The following CKAP5 variants were observed in gnomAD, a reference collection of about 807,000 sequenced individuals.
The protein encoded by CKAP5 is cytoskeleton associated protein 5.
A neutral mutation model predicts 232.8 loss-of-function variants in CKAP5; 27 were observed. That is an observed-to-expected ratio of 0.12 (90% CI 0.09 to 0.16). CKAP5 has a LOEUF of 0.16. Among genes scored for constraint, CKAP5 ranks in the 10% least tolerant of loss-of-function variants. The pLI is 1.00. For synonymous variants in CKAP5, 785 were observed against 841.1 expected (o/e 0.93, Z 1.16); for missense variants, 1,838 against 2,424.7 (o/e 0.76, Z 5.08).
intron 1 of CKAP5, among the ~76,000 whole-genome samples, chr11:46,842,446 G>A (rs915336045): frequency 2.8e-4 from 42 of 152,134 alleles, no homozygotes; most frequent in African/African-American, 9.7e-4. Context: ...CTCTGAATAT[G>A]CCCACTACCC....
At chr11:46,752,189 T>C (rs71452738) in intron 38 of CKAP5, among the ~76,000 whole-genome samples, 7,675 of 63,048 alleles carry the variant, frequency 0.12, 385 homozygotes, top group East Asian at 0.43. Context: ...TATATATATA[T>C]ATATACACAC....
rs149061299 is a variant in CKAP5, at chr11:46,821,141, C to T, written c.57+34G>A. The T allele has an allele frequency of 2.7e-3, 4,220 of 1,544,114 alleles. 10 individuals are homozygous for T. The highest frequency in any genetic ancestry group is 3.2e-3 in the Non-Finnish European group (3,582 of 1,117,212). ...TATAACTGCTCACAAAACAAGCCAA[C>T]GACACTGAAAATCGAATTCCAGAAG... On this transcript the variant is annotated intron_variant, in intron 2 of 43. Transcript: ENST00000529230.
At chr11:46,797,390 CAAA>C (rs112909367) in intron 11 of CKAP5, among the ~76,000 whole-genome samples, 4 of 137,724 alleles carry the variant, frequency 2.9e-5, no homozygotes, top group Non-Finnish European at 6.3e-5. Context: ...ACAACAACAA[CAAA>C]AAAAAAAAAA....
chr11:46,755,784 C>T (rs182935255), intron 35 of CKAP5, among the ~76,000 whole-genome samples: 1 of 151,852 alleles, frequency 6.6e-6, no homozygotes, highest in African/African-American at 2.4e-5. Flanking sequence ...GAAAAATTAG[C>T]CTGGCATGGT....
intron 5 of CKAP5, among the ~76,000 whole-genome samples, chr11:46,810,315 G>GATTC (rs144046273): frequency 0.018 from 2,777 of 151,946 alleles, 31 homozygotes; most frequent in Non-Finnish European, 0.028. Context: ...AAACAAGAAA[G>GATTC]ATTCATTCAT....
At chr11:46,837,005 A>AG (rs1292497914) in intron 1 of CKAP5, among the ~76,000 whole-genome samples, 3 of 152,182 alleles carry the variant, frequency 2.0e-5, no homozygotes, top group Non-Finnish European at 2.9e-5. Context: ...ACTTCACCAA[A>AG]GGGGGTGGGA....
chr11:46,780,101 G>T, intron 20 of CKAP5, 93 bp downstream of exon 20: 1 of 1,360,300 alleles, frequency 7.4e-7, no homozygotes, highest in Non-Finnish European at 1.0e-6. Context: ...CTGAGTAGCT[G>T]GGACTACAGG....
In CKAP5 at chr11:46,758,071, A is replaced by C. The variant is rs189067485; in HGVS notation, c.4689+852T>G. ...CCCACCCATGACTTCTCTTTTAAAA[A>C]ATTTCTAATGGTTTCCTATCATAAT... On this transcript the variant is annotated intron_variant, in intron 35 of 43. Coordinates refer to ENST00000529230, the MANE Select transcript of CKAP5 (RefSeq NM_001008938.4). 9.8e-4 allele frequency among the ~76,000 whole-genome samples: 149 copies of C among 152,144 alleles called. 1 individual carries two copies. The highest frequency in any genetic ancestry group is 2.2e-3 in the Admixed American group (33 of 15,282).
chr11:46,780,084 C>T, intron 20 of CKAP5, 110 bp downstream of exon 20: 2 of 1,200,502 alleles, frequency 1.7e-6, no homozygotes, highest in South Asian at 1.3e-5. Flanking sequence ...CCTCCTTCCT[C>T]AGGCTCCTGA....
intron 9 of CKAP5, among the ~76,000 whole-genome samples, chr11:46,798,431 T>C (rs578122264): frequency 1.3e-5 from 2 of 151,486 alleles, no homozygotes; most frequent in East Asian, 3.9e-4. Context: ...CAAAAAAAAA[T>C]TAGCCAGGTG....
At chr11:46,746,638 C>A (rs1362942595) in intron 42 of CKAP5, among the ~76,000 whole-genome samples, 1 of 152,164 alleles carries the variant, frequency 6.6e-6, no homozygotes. Context: ...ATAAATGGTA[C>A]ACCTGTATAG....
At chr11:46,762,580 G>T in intron 31 of CKAP5, 47 bp downstream of exon 31, 1 of 1,605,218 alleles carries the variant, frequency 6.2e-7, no homozygotes, top group Non-Finnish European at 8.5e-7. Context: ...TCTTCTATAG[G>T]CTACTGCTGC....
chr11:46,810,975 T>C (rs201103331), intron 5 of CKAP5, 32 bp downstream of exon 5: 12 of 1,548,008 alleles, frequency 7.8e-6, no homozygotes, highest in Non-Finnish European at 1.0e-5. Context: ...ATTAACCTTG[T>C]GCGAAAGCAA....
intron 26 of CKAP5, 117 bp from the exon 27 acceptor site, chr11:46,767,780 A>G: frequency 1.6e-6 from 1 of 615,374 alleles, no homozygotes; most frequent in East Asian, 3.0e-5. Flanking sequence ...ATCAATTTAT[A>G]AGATGTTTTC....
chr11:46,791,508 C>T (rs1938721267), intron 13 of CKAP5, among the ~76,000 whole-genome samples: 1 of 151,642 alleles, frequency 6.6e-6, no homozygotes, highest in Admixed American at 6.6e-5. Context: ...CCCATCTCTA[C>T]AAAAAATACA....
intron 16 of CKAP5, 111 bp from the exon 17 acceptor site, chr11:46,784,784 C>T (rs549008734): frequency 1.5e-6 from 1 of 676,510 alleles, no homozygotes; most frequent in South Asian, 2.6e-5. Flanking sequence ...GCTGGAAACA[C>T]AACTAAAGTA....
intron 38 of CKAP5, 124 bp from the exon 39 acceptor site, chr11:46,751,658 C>A: frequency 1.3e-6 from 1 of 778,950 alleles, no homozygotes; most frequent in Non-Finnish European, 2.0e-6. Flanking sequence ...TGTGGCACAT[C>A]ATATCTTTCA....
intron 12 of CKAP5, among the ~76,000 whole-genome samples, chr11:46,796,026 G>A (rs1026551392): frequency 2.0e-5 from 3 of 151,952 alleles, no homozygotes; most frequent in Non-Finnish European, 2.9e-5. Flanking sequence ...TTAGCCGGGC[G>A]TGGTGGCAGG....
intron 2 of CKAP5, among the ~76,000 whole-genome samples, chr11:46,819,946 AT>A (rs1939490219): frequency 1.3e-5 from 2 of 152,124 alleles, no homozygotes; most frequent in African/African-American, 4.8e-5. Flanking sequence ...CCCTAAACAG[AT>A]TTAACATCTC....
Sources: allele counts gnomAD v4.1 joint callset (sites outside exome capture counted in the v4.1 genomes callset), GRCh38; gene constraint gnomAD v4.1.1; transcripts MANE v1.5; gene names NCBI Gene and HGNC (gene_info 2026-07-23, HGNC 2026-07-21).